Variants in NKX6-2 observed in about 807,000 individuals in gnomAD.
The protein encoded by NKX6-2 is NK6 homeobox 2.
Under a neutral mutation model 19.9 loss-of-function variants are expected in NKX6-2, and 22 were observed. The observed-to-expected ratio is 1.10, with a 90% confidence interval of 0.79 to 1.58. The LOEUF is 1.58. Ranked by LOEUF, NKX6-2 falls within the 40% of genes most tolerant of loss-of-function variation. The probability of loss-of-function intolerance (pLI) is 0.00; values close to 1 mark genes in which losing one functional copy is unlikely to be tolerated. For missense variants in NKX6-2, 475 were observed against 410.6 expected, an observed-to-expected ratio of 1.16 and a Z score of -1.35; for synonymous variants, 257 against 204.0, an observed-to-expected ratio of 1.26 and a Z score of -2.21.
rs1388025303 is a variant in NKX6-2, at chr10:132,783,341, C to G, written c.*1575G>C. The G allele has an allele frequency of 2.6e-5, 4 of 152,396 alleles. No homozygotes were observed. Among genetic ancestry groups the G allele is most frequent in the African/African-American group, 9.7e-5 (4 of 41,442 alleles). 9.4% of individuals were successfully genotyped at this position (152,396 alleles called of 1,614,324 possible). A position where few individuals can be genotyped will look rare whatever the true frequency, so the allele number is the denominator to read the frequency against. On this transcript the variant is annotated 3_prime_UTR_variant, in exon 3 of 3. Transcript: ENST00000368592. ...ATCTGTTCTTGGTGGAAGCACAGGT[C>G]CGTGTCGCTGCTGTGGTTGCCGCTG...
At position 132,785,664 on chromosome 10, in the gene NKX6-2, G is replaced by T; in HGVS notation, c.285C>A (p.Pro95=). The change falls in exon 1 of 3, where the codon CCC becomes CCA. Residue 95 remains proline, a synonymous_variant. Coordinates refer to ENST00000368592, the MANE Select transcript of NKX6-2 (RefSeq NM_177400.3). This position sits in a 1 kb window ranked among gnomAD's most constrained non-coding sequence, Gnocchi z 5.5. The stretch of plus-strand genomic sequence containing the variant: ...GGTAGCCGCGCGCCACAGCGGCCGC[G>T]GGCCCGAAGTAAACGCCGGCGGACG... ...LASSAGVYFG[P]AAAVARGYPK... The T allele has an allele frequency of 8.0e-7, 1 of 1,249,326 alleles. No individual in the cohort carries two copies. The highest frequency in any genetic ancestry group is 1.0e-6 in the Non-Finnish European group (1 of 998,116). 77.4% of individuals were successfully genotyped at this position (1,249,326 alleles called of 1,614,324 possible).
rs1016084801 is a variant in NKX6-2 at position 132,785,840 on chromosome 10, G to A, written c.109C>T (p.Pro37Ser). The change falls in exon 1 of 3, where the codon CCG becomes TCG. Residue 37 changes from proline to serine, a missense_variant. By Grantham distance (74) the Pro-to-Ser change is moderately conservative (BLOSUM62 -1). Transcript: ENST00000368592. This position sits in a 1 kb window ranked among gnomAD's most constrained non-coding sequence, Gnocchi z 5.5. ...TSLFPYALQG[P>S]AGFKAPALGG... is the part of the protein sequence containing the mutation. ...AGCGCGGGCGCCTTGAAGCCGGCCG[G>A]ACCCTGCAGCGCGTAGGGGAACAGC... 14 of 1,386,564 alleles carry A rather than the reference G, an allele frequency of 1.0e-5. No homozygotes were observed. The African/African-American group carries it at 1.8e-4, about 18-fold the overall frequency. 85.9% of individuals were successfully genotyped at this position (1,386,564 alleles called of 1,614,324 possible).
rs368915941 is a variant in NKX6-2 at position 132,784,946 on chromosome 10, C to G, written c.804G>C (p.Pro268=). 5 of 1,612,574 alleles carry G rather than the reference C, an allele frequency of 3.1e-6. No individual in the cohort carries two copies. Among genetic ancestry groups the G allele is most frequent in the Non-Finnish European group, 4.2e-6 (5 of 1,179,802 alleles). The change falls in exon 3 of 3, where the codon CCG becomes CCC. Residue 268 remains proline, a synonymous_variant. Transcript: ENST00000368592. ...HKPSNLALVS[P]CGGGAGDAL ...AGGCGTCCCCCGCGCCGCCGCCGCA[C>G]GGGCTGACCAGCGCCAAGTTCGAGG... is the stretch of plus-strand genomic sequence containing the variant.
chr10:132,785,939 T>C lies in NKX6-2; in HGVS notation c.10A>G (p.Asn4Asp). 1 of 1,231,936 alleles carries C rather than the reference T, an allele frequency of 8.1e-7. No homozygotes were observed. Among genetic ancestry groups the C allele is most frequent in the Non-Finnish European group, 1.1e-6 (1 of 938,238 alleles). 76.3% of individuals were successfully genotyped at this position (1,231,936 alleles called of 1,614,324 possible). Residue 4 changes from asparagine (N) to aspartate (D), a missense_variant, in exon 1 of 3, where the codon AAC becomes GAC. By Grantham distance (23) the Asn-to-Asp change is conservative. Coordinates refer to ENST00000368592, the MANE Select transcript of NKX6-2 (RefSeq NM_177400.3). This position sits in a 1 kb window ranked among gnomAD's most constrained non-coding sequence, Gnocchi z 5.5. MDT[N>D]RPGAFVLSSA... is the part of the protein sequence containing the mutation. ...CTCAGCACGAACGCGCCCGGGCGGTTAGTGTCCATGGGCGCCGCCGCCGCC... is the reference window on the plus strand; with the variant it reads ...CTCAGCACGAACGCGCCCGGGCGGTCAGTGTCCATGGGCGCCGCCGCCGCC...
chr10:132,785,884 A>C lies in NKX6-2; in HGVS notation c.65T>G (p.Met22Arg). Residue 22 changes from methionine to arginine, a missense_variant, in exon 1 of 3, where the codon ATG (methionine) becomes AGG (arginine). By Grantham distance (91) the Met-to-Arg change is moderately conservative. Transcript: ENST00000368592. This position sits in a 1 kb window ranked among gnomAD's most constrained non-coding sequence, Gnocchi z 5.5. ...GAACAGCGACGTCTTCATCTCGGCC[A>C]TGTTGTGCAGCGCGGCCAGCGGGGC... ...SSAPLAALHN[M>R]AEMKTSLFPY... 7.2e-7 allele frequency: 1 copy of C among 1,395,936 alleles called. No homozygotes were observed. Among genetic ancestry groups the C allele is most frequent in the South Asian group, 1.4e-5 (1 of 72,160 alleles). The allele number at this position is 1,395,936 out of a possible 1,614,324, so 86.5% of individuals were successfully genotyped here.
Position 132,786,036 on chromosome 10 carries a change from G to C in NKX6-2, c.-88C>G, listed in dbSNP as rs1371049630. The C allele has an allele frequency of 3.9e-6, 1 of 257,888 alleles. No homozygotes were observed. Among genetic ancestry groups the C allele is most frequent in the Non-Finnish European group, 5.9e-6 (1 of 168,206 alleles). The allele number at this position is 257,888 out of a possible 1,614,324, so 16.0% of individuals were successfully genotyped here. ...GGCCCGGGAAGTTTGCGCGCGGCCC[G>C]GGCGGGCGTCGGCTGCAGCGCGGGG... On this transcript the variant is annotated 5_prime_UTR_variant, in exon 1 of 3. Coordinates refer to ENST00000368592, the MANE Select transcript of NKX6-2 (RefSeq NM_177400.3).
At position 132,784,164 on chromosome 10, in the gene NKX6-2, A is replaced by T. The variant is rs913894250; in HGVS notation, c.*752T>A. The T allele has an allele frequency of 6.6e-6, 1 of 152,070 alleles. No individual in the cohort carries two copies. Among genetic ancestry groups the T allele is most frequent in the Admixed American group, 6.5e-5 (1 of 15,282 alleles). 9.4% of individuals were successfully genotyped at this position (152,070 alleles called of 1,614,324 possible). ...GCCTCCGGCTCCCTGACCCCGCGTG[A>T]CCCACGGGAGGCCCCGCCGCTCCGC... is the stretch of plus-strand genomic sequence containing the variant. On this transcript the variant is annotated 3_prime_UTR_variant, in exon 3 of 3. Coordinates refer to ENST00000368592, the MANE Select transcript of NKX6-2 (RefSeq NM_177400.3).
chr10:132,785,926 G>T lies in NKX6-2; in HGVS notation c.23C>A (p.Ala8Glu). MDTNRPG[A>E]FVLSSAPLAA... ...CAGCGGGGCACTGCTCAGCACGAAC[G>T]CGCCCGGGCGGTTAGTGTCCATGGG... is the stretch of plus-strand genomic sequence containing the variant. Residue 8 changes from alanine (A) to glutamate (E), a missense_variant, in exon 1 of 3, where the codon GCG becomes GAG. Ala to Glu is a moderately radical substitution (Grantham distance 107, BLOSUM62 -1). Transcript: ENST00000368592. This position sits in a 1 kb window ranked among gnomAD's most constrained non-coding sequence, Gnocchi z 5.5. 1 of 1,306,688 alleles carries T rather than the reference G, an allele frequency of 7.7e-7. No homozygotes were observed. Among genetic ancestry groups the T allele is most frequent in the Non-Finnish European group, 1.0e-6 (1 of 995,314 alleles). 80.9% of individuals were successfully genotyped at this position (1,306,688 alleles called of 1,614,324 possible). A position where few individuals can be genotyped will look rare whatever the true frequency, so the allele number is the denominator to read the frequency against.
rs138717832 is a variant in NKX6-2, at chr10:132,785,029, G to T, written c.721C>A (p.Pro241Thr). 1.2e-6 allele frequency: 2 copies of T among 1,609,898 alleles called. No individual in the cohort carries two copies. Among genetic ancestry groups the T allele is most frequent in the Non-Finnish European group, 1.7e-6 (2 of 1,177,006 alleles). The part of the protein sequence containing the change: ...DAEDDDEYNR[P>T]LDPNSDDEKI... ...TCGTCGTCCGAGTTGGGGTCCAGGG[G>T]CCGGTTGTATTCGTCGTCGTCCTCC... The change falls in exon 3 of 3, where the codon CCC becomes ACC. Residue 241 changes from proline (P) to threonine (T), a missense_variant. Pro to Thr is a conservative substitution (Grantham distance 38). Coordinates refer to ENST00000368592, the MANE Select transcript of NKX6-2 (RefSeq NM_177400.3). The surrounding 1 kb of genome is among the most constrained non-coding windows in gnomAD (Gnocchi z 5.5).
chr10:132,785,895 C>T lies in NKX6-2; in HGVS notation c.54G>A (p.Ala18=). ...TCTTCATCTCGGCCATGTTGTGCAG[C>T]GCGGCCAGCGGGGCACTGCTCAGCA... ...AFVLSSAPLA[A]LHNMAEMKTS... Residue 18 remains alanine, a synonymous_variant, in exon 1 of 3, where the codon GCG becomes GCA. Transcript: ENST00000368592. The surrounding 1 kb of genome is among the most constrained non-coding windows in gnomAD (Gnocchi z 5.5). The T allele has an allele frequency of 4.3e-6, 6 of 1,388,328 alleles. No individual in the cohort carries two copies. The highest frequency in any genetic ancestry group is 4.8e-6 in the Non-Finnish European group (5 of 1,046,354). The allele number at this position is 1,388,328 out of a possible 1,614,324, so 86.0% of individuals were successfully genotyped here.
chr10:132,785,090 C>A lies in NKX6-2; in HGVS notation c.660G>T (p.Ser220=). The part of the protein sequence containing the change: ...EMASAKKKQD[S]DAEKLKVGGS... ...CGCCCACCTTCAGCTTCTCGGCGTC[C>A]GAGTCCTGCTTCTTCTTGGCCGACG... The change falls in exon 3 of 3, where the codon TCG becomes TCT. Residue 220 remains serine, a synonymous_variant. Transcript: ENST00000368592. This position sits in a 1 kb window ranked among gnomAD's most constrained non-coding sequence, Gnocchi z 5.5. 1 of 1,610,824 alleles carries A rather than the reference C, an allele frequency of 6.2e-7. No homozygotes were observed. The highest frequency in any genetic ancestry group is 8.5e-7 in the Non-Finnish European group (1 of 1,178,130).
Position 132,784,941 on chromosome 10 carries a change from C to CCGCA in NKX6-2, c.805_808dup (p.Gly270ValfsTer191), listed in dbSNP as rs1847231359. 1.1e-5 allele frequency: 18 copies of CCGCA among 1,612,378 alleles called. No individual in the cohort carries two copies. The highest frequency in any genetic ancestry group is 1.5e-5 in the Non-Finnish European group (18 of 1,179,794). On this transcript the variant is annotated frameshift_variant, in exon 3 of 3. Transcript: ENST00000368592. LOFTEE classifies it high-confidence loss of function. ...TCACAAGGCGTCCCCCGCGCCGCCG[C>CCGCA]CGCACGGGCTGACCAGCGCCAAGTT...
In NKX6-2 at chr10:132,785,904, C is replaced by A. The variant is rs774855370; in HGVS notation, c.45G>T (p.Pro15=). Residue 15 remains proline, a synonymous_variant, in exon 1 of 3, where the codon CCG becomes CCT. Coordinates refer to ENST00000368592, the MANE Select transcript of NKX6-2 (RefSeq NM_177400.3). This position sits in a 1 kb window ranked among gnomAD's most constrained non-coding sequence, Gnocchi z 5.5. ...RPGAFVLSSA[P]LAALHNMAEM... ...CGGCCATGTTGTGCAGCGCGGCCAG[C>A]GGGGCACTGCTCAGCACGAACGCGC... 20 of 1,373,084 alleles carry A rather than the reference C, an allele frequency of 1.5e-5. No homozygotes were observed. The highest frequency in any genetic ancestry group is 7.5e-5 in the African/African-American group (5 of 66,512). 85.1% of individuals were successfully genotyped at this position (1,373,084 alleles called of 1,614,324 possible).
chr10:132,784,982 C>T lies in NKX6-2; in HGVS notation c.768G>A (p.Lys256=), dbSNP rs766849675. Residue 256 remains lysine (K), a synonymous_variant, in exon 3 of 3, where the codon AAG becomes AAA. Coordinates refer to ENST00000368592, the MANE Select transcript of NKX6-2 (RefSeq NM_177400.3). ...GCGCCAAGTTCGAGGGTTTGTGCTT[C>T]TTGAGCAGCCGCGTGATCTTCTCGT... ...SDDEKITRLL[K]KHKPSNLALV... The T allele has an allele frequency of 2.4e-5, 38 of 1,612,762 alleles. No individual in the cohort carries two copies. In the South Asian group the frequency reaches 4.1e-4, roughly 17 times the overall value.
chr10:132,785,515 C>A lies in NKX6-2; in HGVS notation c.406+28G>T. On this transcript the variant is annotated intron_variant, in intron 1 of 2. Coordinates refer to ENST00000368592, the MANE Select transcript of NKX6-2 (RefSeq NM_177400.3). This position sits in a 1 kb window ranked among gnomAD's most constrained non-coding sequence, Gnocchi z 5.5. ...CGGGGTCCCCCTCCGCGCCCACCCG[C>A]CCCGCACCCCCCGCGCGGGCCACTC... The A allele has an allele frequency of 7.2e-7, 1 of 1,395,624 alleles. No individual in the cohort carries two copies. The allele number at this position is 1,395,624 out of a possible 1,614,324, so 86.5% of individuals were successfully genotyped here.
Position 132,785,791 on chromosome 10 carries a change from G to C in NKX6-2, c.158C>G (p.Pro53Arg). 7.4e-7 allele frequency: 1 copy of C among 1,342,552 alleles called. No homozygotes were observed. The highest frequency in any genetic ancestry group is 9.6e-7 in the Non-Finnish European group (1 of 1,046,080). 83.2% of individuals were successfully genotyped at this position (1,342,552 alleles called of 1,614,324 possible). A position where few individuals can be genotyped will look rare whatever the true frequency, so the allele number is the denominator to read the frequency against. Residue 53 changes from proline (P) to arginine (R), a missense_variant, in exon 1 of 3, where the codon CCG becomes CGG. Transcript: ENST00000368592. This position sits in a 1 kb window ranked among gnomAD's most constrained non-coding sequence, Gnocchi z 5.5. ...PALGGLGAQL[P>R]LGTPHGISDI... The stretch of plus-strand genomic sequence containing the variant: ...GCTGATGCCGTGCGGGGTCCCGAGC[G>C]GGAGCTGCGCGCCCAGGCCCCCCAG...
rs1158099581 is a variant in NKX6-2, at chr10:132,783,933, C to A, written c.*983G>T. 2.0e-5 allele frequency: 3 copies of A among 152,390 alleles called. No individual in the cohort carries two copies. Among genetic ancestry groups the A allele is most frequent in the African/African-American group, 7.2e-5 (3 of 41,586 alleles). The allele number at this position is 152,390 out of a possible 1,614,324, so 9.4% of individuals were successfully genotyped here. The stretch of plus-strand genomic sequence containing the variant: ...AGAAATCGTACCACCGCAGTGATAT[C>A]ATTATTTACATTTAATTTTTAAAAA... On this transcript the variant is annotated 3_prime_UTR_variant, in exon 3 of 3. Coordinates refer to ENST00000368592, the MANE Select transcript of NKX6-2 (RefSeq NM_177400.3).
chr10:132,785,195 C>T lies in NKX6-2; in HGVS notation c.580-25G>A, dbSNP rs1847245004. Reference sequence around the variant, plus strand: ...CCTGGGAGTGGACGGGGCGGTCAGGCGGCCGCGGGGCCCGGGGCTGGCGCT... The same window carrying T: ...CCTGGGAGTGGACGGGGCGGTCAGGTGGCCGCGGGGCCCGGGGCTGGCGCT... On this transcript the variant is annotated intron_variant, in intron 2 of 2. Transcript: ENST00000368592. The surrounding 1 kb of genome is among the most constrained non-coding windows in gnomAD (Gnocchi z 5.5). 1.3e-6 allele frequency: 2 copies of T among 1,598,754 alleles called. No homozygotes were observed. Among genetic ancestry groups the T allele is most frequent in the Non-Finnish European group, 8.5e-7 (1 of 1,173,296 alleles).
chr10:132,785,851 G>T lies in NKX6-2; in HGVS notation c.98C>A (p.Ala33Glu), dbSNP rs767206865. ...CTTGAAGCCGGCCGGACCCTGCAGC[G>T]CGTAGGGGAACAGCGACGTCTTCAT... ...AEMKTSLFPY[A>E]LQGPAGFKAP... The change falls in exon 1 of 3, where the codon GCG becomes GAG. Residue 33 changes from alanine (A) to glutamate (E), a missense_variant. Physicochemically the swap from Ala to Glu is moderately radical, Grantham distance 107 (BLOSUM62 -1). Transcript: ENST00000368592. This position sits in a 1 kb window ranked among gnomAD's most constrained non-coding sequence, Gnocchi z 5.5. 16 of 1,387,782 alleles carry T rather than the reference G, an allele frequency of 1.2e-5. No homozygotes were observed. The highest frequency in any genetic ancestry group is 1.5e-5 in the Non-Finnish European group (16 of 1,056,140). The allele number at this position is 1,387,782 out of a possible 1,614,324, so 86.0% of individuals were successfully genotyped here. A position where few individuals can be genotyped will look rare whatever the true frequency, so the allele number is the denominator to read the frequency against.
Sources: allele counts gnomAD v4.1 joint callset, GRCh38; gene constraint gnomAD v4.1.1; non-coding constraint Gnocchi (gnomAD v3.1); transcripts MANE v1.5; gene names NCBI Gene and HGNC (gene_info 2026-07-23, HGNC 2026-07-21).